CRTC3: variants seen among roughly 807,000 people sequenced by gnomAD.
CRTC3 encodes CREB regulated transcription coactivator 3, also known as CREB-regulated transcription coactivator 3.
A neutral mutation model predicts 74.5 loss-of-function variants in CRTC3; 26 were observed. The ratio of observed to expected loss-of-function variants is 0.35; its 90% CI spans 0.26 to 0.48. The LOEUF (loss-of-function observed/expected upper bound fraction) is 0.48, where lower values mean the gene tolerates loss of function less well. Ranked by LOEUF, CRTC3 falls within the 20% of genes least tolerant of loss-of-function variation. The pLI is 0.99. For synonymous variants in CRTC3, 377 were observed against 325.8 expected (o/e 1.16, Z -1.69); for missense variants, 760 against 787.3 (o/e 0.97, Z 0.41).
intron 12 of CRTC3, 26 bp downstream of exon 12, chr15:90,638,672 C>A (rs1969329458): frequency 6.2e-7 from 1 of 1,612,218 alleles, no homozygotes; most frequent in Non-Finnish European, 8.5e-7. Flanking sequence ...AGCGTTGGTG[C>A]AGAGGGAATG....
In CRTC3 at chr15:90,602,249, T is replaced by A. The variant is rs924925068; in HGVS notation, c.352-75T>A. The A allele has an allele frequency of 3.4e-6, 3 of 881,524 alleles. No homozygotes were observed. The African/African-American group carries it at 5.1e-5, about 15-fold the overall frequency. The allele number at this position is 881,524 out of a possible 1,614,324, so 54.6% of individuals were successfully genotyped here. A position where few individuals can be genotyped will look rare whatever the true frequency, so the allele number is the denominator to read the frequency against. On this transcript the variant is annotated intron_variant, in intron 3 of 14. Transcript: ENST00000268184. ...GGAACCAAAAACTCAGTTGTTTAAC[T>A]CTCTGTGAGTCCACCTTGTTAATTC...
intron 2 of CRTC3, among the ~76,000 whole-genome samples, chr15:90,571,317 G>A (rs182774570): frequency 1.3e-5 from 2 of 152,312 alleles, no homozygotes; most frequent in East Asian, 1.9e-4. Flanking sequence ...GGAGGTCCCA[G>A]GAAAGGCTTC....
chr15:90,603,809 A>C (rs1567180830), intron 4 of CRTC3, among the ~76,000 whole-genome samples: 1 of 152,254 alleles, frequency 6.6e-6, no homozygotes, highest in Non-Finnish European at 1.5e-5. Context: ...AAGGAAATAA[A>C]GATGGGTAAC....
At chr15:90,578,219 A>T (rs982361962) in intron 2 of CRTC3, among the ~76,000 whole-genome samples, 3 of 152,086 alleles carry the variant, frequency 2.0e-5, no homozygotes, top group South Asian at 4.2e-4. Context: ...ACCTGGCCAA[A>T]TGTATTTATT....
chr15:90,542,917 C>T (rs1966826481), intron 2 of CRTC3, among the ~76,000 whole-genome samples: 1 of 152,046 alleles, frequency 6.6e-6, no homozygotes, highest in Non-Finnish European at 1.5e-5. Context: ...GCAGGAATAA[C>T]GTAGAAGAAG....
At chr15:90,634,729 C>G in intron 11 of CRTC3, 1 of 787,972 alleles carries the variant, frequency 1.3e-6, no homozygotes, top group Admixed American at 1.9e-5. Context: ...GGAGTCATGG[C>G]AGGACAAGCG....
chr15:90,551,170 C>T (rs529668791), intron 2 of CRTC3, among the ~76,000 whole-genome samples: 7 of 152,090 alleles, frequency 4.6e-5, no homozygotes, highest in South Asian at 2.1e-4. Flanking sequence ...ATGATAATGA[C>T]GGTTACTTGA....
At chr15:90,539,923 A>G in intron 1 of CRTC3, 116 bp from the exon 2 acceptor site, 1 of 745,940 alleles carries the variant, frequency 1.3e-6, no homozygotes, top group East Asian at 2.6e-5. Context: ...TACGTCGAGA[A>G]GAAATTGAAA....
chr15:90,563,111 T>G (rs1429348135), intron 2 of CRTC3, among the ~76,000 whole-genome samples: 2 of 152,248 alleles, frequency 1.3e-5, no homozygotes, highest in East Asian at 1.9e-4. Flanking sequence ...AACTAGCATT[T>G]AAAAGTTAAA....
In CRTC3 at chr15:90,625,901, C is replaced by T; in HGVS notation, c.875C>T (p.Thr292Ile). 6.2e-7 allele frequency: 1 copy of T among 1,614,238 alleles called. No homozygotes were observed. The highest frequency in any genetic ancestry group is 8.5e-7 in the Non-Finnish European group (1 of 1,180,046). ...YSTPLPASLD[T>I]TDHHFGSMSV... ...ACACCCCTGCCAGCCTCCCTGGACA[C>T]CACCGACCACCACTTTGGCAGTATG... is the stretch of plus-strand genomic sequence containing the variant. Residue 292 changes from threonine (T) to isoleucine (I), a missense_variant, in exon 10 of 15, where the codon ACC (threonine) becomes ATC (isoleucine). By Grantham distance (89) the Thr-to-Ile change is moderately conservative (BLOSUM62 -1). This residue lies in a region of CRTC3 where 652 missense variants were observed against 635.2 expected (regional missense o/e 1.03). Coordinates refer to ENST00000268184, the MANE Select transcript of CRTC3 (RefSeq NM_022769.5).
chr15:90,536,688 A>G (rs11638010), intron 1 of CRTC3, among the ~76,000 whole-genome samples: 98,198 of 151,988 alleles, frequency 0.65, 32,570 homozygotes, highest in Non-Finnish European at 0.7. Context: ...AAATTCCACT[A>G]AGATGTGTGA....
At chr15:90,553,747 A>C (rs1298390959) in intron 2 of CRTC3, among the ~76,000 whole-genome samples, 1 of 152,180 alleles carries the variant, frequency 6.6e-6, no homozygotes, top group Non-Finnish European at 1.5e-5. Context: ...AGATCTTTAA[A>C]ATACCCCTCC....
intron 8 of CRTC3, among the ~76,000 whole-genome samples, chr15:90,618,894 G>T (rs1968564287): frequency 6.6e-6 from 1 of 152,192 alleles, no homozygotes; most frequent in Admixed American, 6.5e-5. Flanking sequence ...GGTTGTGGAG[G>T]CTTTTATCAG....
chr15:90,564,904 A>ACCTTCCTTCCTTCCTTCCTTCCTTCCTT (rs71154112), intron 2 of CRTC3, among the ~76,000 whole-genome samples: 1 of 146,364 alleles, frequency 6.8e-6, no homozygotes, highest in Non-Finnish European at 1.5e-5. Flanking sequence ...AATTTAACCA[A>ACCTTCCTTCCTTCCTTCCTTCCTTCCTT]CCTTCCTTCC....
chr15:90,539,661 C>T (rs936092052), intron 1 of CRTC3: 5 of 255,148 alleles, frequency 2.0e-5, no homozygotes, highest in Non-Finnish European at 3.0e-5. Context: ...TAAACGGAGG[C>T]TGGAAAAGAG....
rs1323103389 is a variant in CRTC3 at position 90,557,103 on chromosome 15, G to A, written c.231+16966G>A. On this transcript the variant is annotated intron_variant, in intron 2 of 14. Transcript: ENST00000268184. The stretch of plus-strand genomic sequence containing the variant: ...GCTTTAATTTTAAAAGTTCTCTTTG[G>A]CAGGAATGTCTTATACTCTAGCTAG... 2.6e-5 allele frequency among the ~76,000 whole-genome samples: 4 copies of A among 151,624 alleles called. No homozygotes were observed. In the East Asian group the frequency reaches 7.7e-4, roughly 29 times the overall value.
intron 11 of CRTC3, chr15:90,635,126 T>C: frequency 1.8e-6 from 1 of 567,722 alleles, no homozygotes. Flanking sequence ...CCATATTTCT[T>C]ATAATAAACT....
At chr15:90,564,945 C>G (rs1967090484) in intron 2 of CRTC3, among the ~76,000 whole-genome samples, 1 of 60,402 alleles carries the variant, frequency 1.7e-5, no homozygotes, top group South Asian at 5.9e-4. Flanking sequence ...TTCCTTCCTT[C>G]CTTCCTTCCT....
chr15:90,616,163 C>T (rs1054504271), intron 7 of CRTC3, among the ~76,000 whole-genome samples: 7 of 152,054 alleles, frequency 4.6e-5, no homozygotes, highest in South Asian at 2.1e-4. Flanking sequence ...TGACAAAATA[C>T]GCTCTTCAAA....
Sources: gnomAD v4.1 joint callset for allele counts (sites outside exome capture counted in the v4.1 genomes callset) on GRCh38, gnomAD v4.1.1 for gene constraint, gnomAD v4.1.1 regional missense constraint, MANE v1.5 for transcripts, NCBI Gene and HGNC (gene_info 2026-07-23, HGNC 2026-07-21) for gene names.